AGBL1: variants seen among roughly 807,000 people sequenced by gnomAD.
AGBL1 encodes AGBL carboxypeptidase 1, also known as cytosolic carboxypeptidase 4.
Under a neutral mutation model 118.9 loss-of-function variants are expected in AGBL1, and 130 were observed. That is an observed-to-expected ratio of 1.09 (90% CI 0.95 to 1.26). The LOEUF (loss-of-function observed/expected upper bound fraction) is 1.26. AGBL1 is among the 50% of genes most tolerant of loss of function. AGBL1 has a pLI of 0.00. For missense variants in AGBL1, 1,584 were observed against 1,298.1 expected (o/e 1.22, Z -3.38); for synonymous variants, 555 against 478.9 (o/e 1.16, Z -2.08).
intron 22 of AGBL1, among the ~76,000 whole-genome samples, chr15:86,854,165 C>T (rs1439085410): frequency 1.3e-5 from 2 of 152,192 alleles, no homozygotes; most frequent in African/African-American, 2.4e-5. Context: ...CTCACTTACA[C>T]TCCTTTGGGA....
chr15:86,264,726 A>T lies in AGBL1; in HGVS notation c.1555A>T (p.Arg519Ter). ...TCCCTATCTTTATATGGCCAAAGCC[A>T]GAAGAACCAGCTCTGTGGTGGACTT... The part of the protein sequence containing the change: ...HDPYLYMAKA[R>*]RTSSVVDFKM... The change falls in exon 11 of 23, where the codon AGA becomes TGA. Residue 519 changes from arginine to a stop codon, truncating the protein, a stop_gained. Coordinates refer to ENST00000614907, the MANE Select transcript of AGBL1 (RefSeq NM_001386094.1). LOFTEE classifies it high-confidence loss of function. The T allele has an allele frequency of 6.2e-7, 1 of 1,614,074 alleles. No individual in the cohort carries two copies. Among genetic ancestry groups the T allele is most frequent in the Non-Finnish European group, 8.5e-7 (1 of 1,179,908 alleles).
Position 86,746,924 on chromosome 15 carries a change from A to G in AGBL1, c.3158+72488A>G, listed in dbSNP as rs138549319. On this transcript the variant is annotated intron_variant, in intron 22 of 22. Coordinates refer to ENST00000614907, the MANE Select transcript of AGBL1 (RefSeq NM_001386094.1). ...TGGTGACCTAAACTTTTTCAATCAT[A>G]GATTACCTTCTGATACTGTTTAACT... Among the ~76,000 whole-genome samples, 65 of 152,196 alleles carry G rather than the reference A, an allele frequency of 4.3e-4. No individual in the cohort carries two copies. The East Asian group carries it at 0.011, about 26-fold the overall frequency.
At chr15:86,210,267 C>G (rs185698257) in intron 5 of AGBL1, among the ~76,000 whole-genome samples, 4 of 152,210 alleles carry the variant, frequency 2.6e-5, no homozygotes, top group Admixed American at 2.6e-4. Flanking sequence ...TCATTTTAAC[C>G]TTGGCGAACC....
intron 18 of AGBL1, among the ~76,000 whole-genome samples, chr15:86,506,665 A>G (rs2082981070): frequency 6.6e-6 from 1 of 152,126 alleles, no homozygotes; most frequent in Non-Finnish European, 1.5e-5. Flanking sequence ...AGTAAAATGT[A>G]AATTCAGAAC....
chr15:86,126,051 C>T (rs1226611817), intron 1 of AGBL1, among the ~76,000 whole-genome samples: 4 of 152,166 alleles, frequency 2.6e-5, no homozygotes, highest in East Asian at 1.9e-4. Flanking sequence ...CTATTTTCTT[C>T]TCGGTGTCCT....
intron 17 of AGBL1, among the ~76,000 whole-genome samples, chr15:86,302,294 A>G (rs1294400091): frequency 2.6e-5 from 4 of 152,152 alleles, no homozygotes; most frequent in African/African-American, 9.7e-5. Flanking sequence ...TCTTATAATT[A>G]TCTTATGAAT....
intron 5 of AGBL1, among the ~76,000 whole-genome samples, chr15:86,165,342 G>A (rs996769485): frequency 6.6e-6 from 1 of 152,100 alleles, no homozygotes; most frequent in Non-Finnish European, 1.5e-5. Flanking sequence ...TGCAATTTAT[G>A]AGCTAGAAAA....
chr15:86,760,092 A>G (rs1487154044), intron 22 of AGBL1, among the ~76,000 whole-genome samples: 1 of 152,064 alleles, frequency 6.6e-6, no homozygotes, highest in East Asian at 1.9e-4. Flanking sequence ...CCCACTGATG[A>G]TCAACTACCT....
At chr15:86,816,104 G>A (rs950060449) in intron 22 of AGBL1, among the ~76,000 whole-genome samples, 12 of 152,140 alleles carry the variant, frequency 7.9e-5, no homozygotes, top group African/African-American at 1.9e-4. Flanking sequence ...AGTTAAAACC[G>A]TAAAAAGAAT....
chr15:86,687,470 C>G (rs2086080349), intron 22 of AGBL1, among the ~76,000 whole-genome samples: 1 of 152,082 alleles, frequency 6.6e-6, no homozygotes, highest in Admixed American at 6.5e-5. Context: ...GCTTCCAAAT[C>G]CAACAAATAG....
intron 23 of AGBL1, among the ~76,000 whole-genome samples, chr15:86,962,909 A>G (rs2081007496): frequency 1.3e-5 from 2 of 152,134 alleles, no homozygotes; most frequent in South Asian, 4.1e-4. Context: ...TCAAACTTCT[A>G]AAGTTATGAA....
intron 23 of AGBL1, among the ~76,000 whole-genome samples, chr15:86,977,642 AGTT>A (rs1464276938): frequency 6.6e-6 from 1 of 151,748 alleles, no homozygotes; most frequent in African/African-American, 2.4e-5. Flanking sequence ...CATTTTTCTG[AGTT>A]GTTATTATAA....
chr15:86,362,432 T>C (rs2080818467), intron 17 of AGBL1, among the ~76,000 whole-genome samples: 1 of 152,188 alleles, frequency 6.6e-6, no homozygotes, highest in African/African-American at 2.4e-5. Flanking sequence ...TAATTAATGT[T>C]CTTTTGTTTC....
In AGBL1 at chr15:86,615,495, A is replaced by T. The variant is rs1009491826; in HGVS notation, c.2995-58778A>T. ...TAGGCAACACAAATTGCAGGAACAG[A>T]TGTAGAGGAAATGAAAAATATTCCT... On this transcript the variant is annotated intron_variant, in intron 21 of 22. Transcript: ENST00000614907. The surrounding 1 kb of genome is among the most constrained non-coding windows in gnomAD (Gnocchi z 4.3). 6.6e-6 allele frequency among the ~76,000 whole-genome samples: 1 copy of T among 152,200 alleles called. No individual in the cohort carries two copies. The highest frequency in any genetic ancestry group is 1.5e-5 in the Non-Finnish European group (1 of 68,034).
Position 86,774,265 on chromosome 15 carries a change from C to A in AGBL1, c.3158+99829C>A, listed in dbSNP as rs555926955. ...ACAGTCCTTAAAATAAAATCTTTCT[C>A]CCCTCACTAATTTAAAAATCTGTAT... On this transcript the variant is annotated intron_variant, in intron 22 of 22. Transcript: ENST00000614907. 1.8e-4 allele frequency among the ~76,000 whole-genome samples: 28 copies of A among 152,206 alleles called. 1 individual carries two copies. The South Asian group carries it at 5.6e-3, about 30-fold the overall frequency.
intron 17 of AGBL1, among the ~76,000 whole-genome samples, chr15:86,299,329 G>C (rs957115330): frequency 2.0e-5 from 3 of 152,052 alleles, no homozygotes; most frequent in Non-Finnish European, 4.4e-5. Flanking sequence ...AGAAAATGAC[G>C]GTAGCAGGGA....
Position 86,215,221 on chromosome 15 carries a change from A to ATGTGTGTGTGTGTG in AGBL1, c.489-9691_489-9690insTGTGTGTGTGTGTG, listed in dbSNP as rs766862249. On this transcript the variant is annotated intron_variant, in intron 5 of 22. Coordinates refer to ENST00000614907, the MANE Select transcript of AGBL1 (RefSeq NM_001386094.1). ...TGTGTGTGTGTGTGAGTGTATATGT[A>ATGTGTGTGTGTGTG]TGCGTGTGTGTGTGTGTGTGTGTGT... Among the ~76,000 whole-genome samples the ATGTGTGTGTGTGTG allele has an allele frequency of 1.6e-4, 20 of 124,768 alleles. No individual in the cohort carries two copies. In the South Asian group the frequency reaches 4.6e-3, roughly 29 times the overall value. 81.9% of individuals were successfully genotyped at this position (124,768 alleles called of 152,430 possible). A position where few individuals can be genotyped will look rare whatever the true frequency, so the allele number is the denominator to read the frequency against.
At chr15:86,303,300 A>G (rs1194311270) in intron 17 of AGBL1, among the ~76,000 whole-genome samples, 2 of 152,164 alleles carry the variant, frequency 1.3e-5, no homozygotes, top group Non-Finnish European at 2.9e-5. Flanking sequence ...GTTGTTGGTC[A>G]ACTAAGTGGG....
intron 22 of AGBL1, among the ~76,000 whole-genome samples, chr15:86,884,901 G>T (rs922297504): frequency 1.3e-5 from 2 of 152,092 alleles, no homozygotes; most frequent in African/African-American, 4.8e-5. Flanking sequence ...GCGAGCTCTC[G>T]GATACGGAAG....
Sources: gnomAD v4.1 joint callset for allele counts (sites outside exome capture counted in the v4.1 genomes callset) on GRCh38, gnomAD v4.1.1 for gene constraint, Gnocchi (gnomAD v3.1) non-coding constraint, MANE v1.5 for transcripts, NCBI Gene and HGNC (gene_info 2026-07-23, HGNC 2026-07-21) for gene names.